CNTNAP5: variants seen among roughly 807,000 people sequenced by gnomAD.
CNTNAP5 encodes contactin associated protein family member 5.
CNTNAP5 carries 72 observed loss-of-function variants against 150.2 expected under a neutral mutation model. The ratio of observed to expected loss-of-function variants is 0.48; its 90% confidence interval spans 0.40 to 0.58. The LOEUF (loss-of-function observed/expected upper bound fraction) is 0.58, where lower values mean the gene tolerates loss of function less well. CNTNAP5 is among the 20% of genes least tolerant of loss of function. The pLI is 0.00. For missense variants in CNTNAP5, 1,636 were observed against 1,626.2 expected, an observed-to-expected ratio of 1.01 and a Z score of -0.10; for synonymous variants, 672 against 619.8, an observed-to-expected ratio of 1.08 and a Z score of -1.25.
chr2:124,555,151 A>G (rs1460444598), intron 10 of CNTNAP5, among the ~76,000 whole-genome samples: 1 of 152,184 alleles, frequency 6.6e-6, no homozygotes, highest in Non-Finnish European at 1.5e-5. Context: ...GAAAATTACA[A>G]CACACAGAAG....
At chr2:124,636,524 T>C (rs756068938) in intron 12 of CNTNAP5, among the ~76,000 whole-genome samples, 3 of 149,306 alleles carry the variant, frequency 2.0e-5, no homozygotes, top group Non-Finnish European at 2.9e-5. Flanking sequence ...TAACTACTTA[T>C]ACTTGAACAT....
intron 2 of CNTNAP5, among the ~76,000 whole-genome samples, chr2:124,228,152 C>G (rs1686513740): frequency 6.6e-6 from 1 of 151,982 alleles, no homozygotes; most frequent in Admixed American, 6.6e-5. Flanking sequence ...ATTAACGAAC[C>G]ACTGGTATCA....
chr2:124,268,715 C>A (rs1399104942), intron 3 of CNTNAP5, among the ~76,000 whole-genome samples: 2 of 152,192 alleles, frequency 1.3e-5, no homozygotes, highest in Non-Finnish European at 2.9e-5. Flanking sequence ...GGGGGCCAAG[C>A]TTACATTTCC....
intron 23 of CNTNAP5, among the ~76,000 whole-genome samples, 157 bp from the exon 24 acceptor site, chr2:124,913,935 G>T (rs544624651): frequency 5.3e-5 from 8 of 152,168 alleles, no homozygotes; most frequent in Non-Finnish European, 1.0e-4. Flanking sequence ...CCTTTCAGCA[G>T]GTCTTTATTT....
At chr2:124,449,388 CA>C (rs1271394030) in intron 6 of CNTNAP5, among the ~76,000 whole-genome samples, 1 of 151,582 alleles carries the variant, frequency 6.6e-6, no homozygotes, top group Non-Finnish European at 1.5e-5. Flanking sequence ...AACAAACAAA[CA>C]AAAAAACCTA....
intron 7 of CNTNAP5, among the ~76,000 whole-genome samples, chr2:124,476,146 A>T (rs1170419377): frequency 6.6e-6 from 1 of 152,124 alleles, no homozygotes; most frequent in East Asian, 1.9e-4. Flanking sequence ...ATTTCCATTG[A>T]CATCCCTTTA....
chr2:124,816,473 CTTT>C (rs34089178), intron 19 of CNTNAP5, among the ~76,000 whole-genome samples: 5 of 107,654 alleles, frequency 4.6e-5, no homozygotes, highest in Admixed American at 2.3e-4. Flanking sequence ...TTGCAGCTTA[CTTT>C]TTTTTTTTTT....
At chr2:124,805,869 G>A (rs1191160973) in intron 19 of CNTNAP5, among the ~76,000 whole-genome samples, 3 of 152,180 alleles carry the variant, frequency 2.0e-5, no homozygotes, top group South Asian at 4.1e-4. Flanking sequence ...GAGAGAGACA[G>A]AGGGGCTTTG....
intron 11 of CNTNAP5, among the ~76,000 whole-genome samples, chr2:124,596,057 C>G (rs1258162813): frequency 7.8e-6 from 1 of 128,130 alleles, no homozygotes; most frequent in Non-Finnish European, 1.6e-5. Context: ...TGCTAGCAGT[C>G]TATCAATTTT....
At chr2:124,137,103 T>G (rs1295474238) in intron 1 of CNTNAP5, among the ~76,000 whole-genome samples, 1 of 152,176 alleles carries the variant, frequency 6.6e-6, no homozygotes, top group Non-Finnish European at 1.5e-5. Context: ...TCCTCCAGCC[T>G]ATGAGCTCCT....
chr2:124,791,944 C>T (rs1210803734), intron 18 of CNTNAP5, among the ~76,000 whole-genome samples: 4 of 152,004 alleles, frequency 2.6e-5, no homozygotes, highest in African/African-American at 7.3e-5. Flanking sequence ...ATTTAGTCCT[C>T]GCAATGTAAG....
chr2:124,084,236 T>A (rs1682625605), intron 1 of CNTNAP5, among the ~76,000 whole-genome samples: 1 of 152,108 alleles, frequency 6.6e-6, no homozygotes, highest in South Asian at 2.1e-4. Context: ...ACCTTTTTGA[T>A]CTCATTTATT....
chr2:124,475,358 T>A (rs1477389549), intron 7 of CNTNAP5, among the ~76,000 whole-genome samples: 1 of 152,120 alleles, frequency 6.6e-6, no homozygotes, highest in Non-Finnish European at 1.5e-5. Flanking sequence ...AATTAAATGA[T>A]TTTCTAATTA....
At chr2:124,674,183 G>A (rs1678880860) in intron 13 of CNTNAP5, among the ~76,000 whole-genome samples, 1 of 151,926 alleles carries the variant, frequency 6.6e-6, no homozygotes, top group Non-Finnish European at 1.5e-5. Flanking sequence ...TAGTCTTATT[G>A]ATTTTTCTCT....
At chr2:124,297,155 A>G (rs1688454057) in intron 3 of CNTNAP5, among the ~76,000 whole-genome samples, 1 of 152,236 alleles carries the variant, frequency 6.6e-6, no homozygotes, top group South Asian at 2.1e-4. Flanking sequence ...GCCACAAGGA[A>G]TATTTTAAGC....
At chr2:124,541,428 G>A (rs192152869) in intron 10 of CNTNAP5, among the ~76,000 whole-genome samples, 1 of 152,002 alleles carries the variant, frequency 6.6e-6, no homozygotes, top group Non-Finnish European at 1.5e-5. Flanking sequence ...ATGAGAAAAA[G>A]TCAGCCTACT....
chr2:124,365,087 G>A (rs1690335115), intron 3 of CNTNAP5, among the ~76,000 whole-genome samples: 4 of 152,126 alleles, frequency 2.6e-5, no homozygotes, highest in Non-Finnish European at 1.5e-5. Context: ...TAGCCGATAA[G>A]AAAAGGAGGG....
intron 1 of CNTNAP5, among the ~76,000 whole-genome samples, chr2:124,076,841 TG>T (rs1682449205): frequency 6.6e-6 from 1 of 152,090 alleles, no homozygotes; most frequent in South Asian, 2.1e-4. Context: ...ATGATGGTCC[TG>T]GAGCTGCAGC....
intron 19 of CNTNAP5, among the ~76,000 whole-genome samples, chr2:124,803,860 T>C (rs1682025833): frequency 6.6e-6 from 1 of 152,170 alleles, no homozygotes; most frequent in South Asian, 2.1e-4. Context: ...TCCTGCTATC[T>C]TATGGAAGCC....
Sources: allele counts gnomAD v4.1 joint callset (sites outside exome capture counted in the v4.1 genomes callset), GRCh38; gene constraint gnomAD v4.1.1; transcripts MANE v1.5; gene names NCBI Gene and HGNC (gene_info 2026-07-23, HGNC 2026-07-21).